SNX24: variants seen among roughly 807,000 people sequenced by gnomAD.
SNX24 encodes the protein sorting nexin-24.
Under a neutral mutation model 28.7 loss-of-function variants are expected in SNX24, and 22 were observed. The ratio of observed to expected loss-of-function variants is 0.77; its 90% CI spans 0.55 to 1.10. The LOEUF (loss-of-function observed/expected upper bound fraction) is 1.10. SNX24 is among the 50% of genes least tolerant of loss of function. The probability of loss-of-function intolerance (pLI) is 0.00; values close to 1 mark genes in which losing one functional copy is unlikely to be tolerated. For missense variants in SNX24, 221 were observed against 201.1 expected (o/e 1.10, Z -0.60); for synonymous variants, 69 against 71.5 (o/e 0.96, Z 0.18).
intron 3 of SNX24, among the ~76,000 whole-genome samples, chr5:122,978,614 T>G (rs938152325): frequency 6.6e-6 from 1 of 152,218 alleles, no homozygotes; most frequent in African/African-American, 2.4e-5. Context: ...CAGTAGCATC[T>G]GTGAGATGAT....
chr5:123,016,637 G>A (rs1762682955), intron 5 of SNX24, among the ~76,000 whole-genome samples: 1 of 152,162 alleles, frequency 6.6e-6, no homozygotes, highest in Non-Finnish European at 1.5e-5. Context: ...GTGTAGGGTG[G>A]CAGCAGTGGA....
intron 3 of SNX24, among the ~76,000 whole-genome samples, chr5:122,968,002 A>G (rs1760785370): frequency 6.6e-6 from 1 of 152,202 alleles, no homozygotes; most frequent in African/African-American, 2.4e-5. Flanking sequence ...TCTTGGAGAG[A>G]ATAATTTGAA....
At chr5:122,949,466 C>A (rs1279021468) in intron 3 of SNX24, among the ~76,000 whole-genome samples, 2 of 151,956 alleles carry the variant, frequency 1.3e-5, no homozygotes, top group Non-Finnish European at 2.9e-5. Context: ...TTTGAAAAAA[C>A]CACTTTATTT....
intron 1 of SNX24, among the ~76,000 whole-genome samples, chr5:122,850,534 A>C (rs1003403070): frequency 6.6e-6 from 1 of 152,206 alleles, no homozygotes; most frequent in Non-Finnish European, 1.5e-5. Context: ...GCTAGAACTA[A>C]GACTTTAGCG....
At chr5:122,982,270 G>A (rs1193326011) in intron 3 of SNX24, among the ~76,000 whole-genome samples, 1 of 152,124 alleles carries the variant, frequency 6.6e-6, no homozygotes, top group Non-Finnish European at 1.5e-5. Context: ...ATATTCCACT[G>A]CTATTTATTC....
chr5:122,965,376 T>C, intron 3 of SNX24: 1 of 443,140 alleles, frequency 2.3e-6, no homozygotes, highest in Non-Finnish European at 4.6e-6. Context: ...TAGCCTGAGT[T>C]TAAAGAGTCA....
intron 1 of SNX24, among the ~76,000 whole-genome samples, chr5:122,882,418 G>T (rs1181110551): frequency 6.6e-6 from 1 of 152,232 alleles, no homozygotes; most frequent in Non-Finnish European, 1.5e-5. Context: ...TTGGAGAGTT[G>T]TGTAAAATGT....
At chr5:122,865,985 T>G (rs1393456013) in intron 1 of SNX24, among the ~76,000 whole-genome samples, 1 of 152,146 alleles carries the variant, frequency 6.6e-6, no homozygotes, top group Non-Finnish European at 1.5e-5. Flanking sequence ...TGACATAAAG[T>G]CAATACATCA....
At chr5:123,011,651 AC>A (rs1762581214), downstream of SNX24, among the ~76,000 whole-genome samples, 2 of 152,400 alleles carry the variant, frequency 1.3e-5, no homozygotes, top group South Asian at 4.1e-4. Context: ...GAGGATGGCT[AC>A]TATCAAAGCA....
At chr5:122,996,261 G>A (rs1024441093) in intron 3 of SNX24, among the ~76,000 whole-genome samples, 1 of 152,196 alleles carries the variant, frequency 6.6e-6, no homozygotes, top group African/African-American at 2.4e-5. Flanking sequence ...AGGCCAGCGT[G>A]TCCTTTGGGG....
intron 3 of SNX24, among the ~76,000 whole-genome samples, chr5:122,987,416 AACT>A (rs1761649612): frequency 6.6e-6 from 1 of 152,220 alleles, no homozygotes. Context: ...TTAGTTTGAG[AACT>A]ACTGTTCTAG....
intron 1 of SNX24, among the ~76,000 whole-genome samples, chr5:122,934,144 A>G (rs533715384): frequency 6.6e-6 from 1 of 152,228 alleles, no homozygotes; most frequent in South Asian, 2.1e-4. Context: ...TATCTGTTGA[A>G]TAAATAAACA....
At chr5:122,930,820 C>T (rs1277481190) in intron 1 of SNX24, among the ~76,000 whole-genome samples, 1 of 152,150 alleles carries the variant, frequency 6.6e-6, no homozygotes, top group Middle Eastern at 3.2e-3. Context: ...TAATCACGTC[C>T]AACTCTTACA....
In SNX24 at chr5:122,873,269, A is replaced by T. The variant is rs1756066042; in HGVS notation, c.60+27576A>T. ...GGATTTCCGGCATGAGACCATACCC[A>T]GTCCAGAGTTTTGTTTTTGAAGCTG... is the stretch of plus-strand genomic sequence containing the variant. On this transcript the variant is annotated intron_variant, in intron 1 of 6. Transcript: ENST00000261369. Among the ~76,000 whole-genome samples the T allele has an allele frequency of 2.0e-5, 3 of 152,244 alleles. No homozygotes were observed. In the South Asian group the frequency reaches 6.2e-4, roughly 32 times the overall value.
chr5:122,999,456 A>G (rs1415177903), intron 3 of SNX24, among the ~76,000 whole-genome samples: 1 of 40,524 alleles, frequency 2.5e-5, no homozygotes, highest in African/African-American at 4.6e-5. Flanking sequence ...GTGGGGAGAT[A>G]CACACACACA....
chr5:122,846,212 A>C (rs1261288125), intron 1 of SNX24, among the ~76,000 whole-genome samples: 1 of 152,006 alleles, frequency 6.6e-6, no homozygotes, highest in East Asian at 1.9e-4. Flanking sequence ...TGAGTTGTGC[A>C]GTTCCATGAA....
intron 1 of SNX24, among the ~76,000 whole-genome samples, chr5:122,936,094 A>G (rs1364423828): frequency 6.6e-6 from 1 of 152,194 alleles, no homozygotes; most frequent in East Asian, 1.9e-4. Context: ...CCTACTAATT[A>G]GTGCACCCAG....
At chr5:122,878,366 A>C (rs1052885757) in intron 1 of SNX24, among the ~76,000 whole-genome samples, 11 of 152,118 alleles carry the variant, frequency 7.2e-5, no homozygotes, top group African/African-American at 2.7e-4. Context: ...AAGTCAGATT[A>C]CAGCGGATTA....
intron 3 of SNX24, among the ~76,000 whole-genome samples, chr5:122,946,928 C>A (rs938455816): frequency 6.6e-6 from 1 of 152,198 alleles, no homozygotes; most frequent in African/African-American, 2.4e-5. Flanking sequence ...TACCATTCTG[C>A]CACTAACCCA....
Sources: allele counts gnomAD v4.1 joint callset (sites outside exome capture counted in the v4.1 genomes callset), GRCh38; gene constraint gnomAD v4.1.1; transcripts MANE v1.5; gene names NCBI Gene and HGNC (gene_info 2026-07-23, HGNC 2026-07-21).